Variants in PLXDC2 observed in about 807,000 individuals in gnomAD.
The protein encoded by PLXDC2 is plexin domain-containing protein 2.
A neutral mutation model predicts 68.9 loss-of-function variants in PLXDC2; 40 were observed. The ratio of observed to expected loss-of-function variants is 0.58; its 90% CI spans 0.45 to 0.76. PLXDC2 has a LOEUF of 0.76. PLXDC2 is among the 30% of genes least tolerant of loss of function. The pLI is 0.00. For missense variants in PLXDC2, 644 were observed against 661.9 expected, an observed-to-expected ratio of 0.97 and a Z score of 0.30; for synonymous variants, 243 against 234.2, an observed-to-expected ratio of 1.04 and a Z score of -0.34.
At chr10:20,111,131 T>C (rs1308881830) in intron 4 of PLXDC2, among the ~76,000 whole-genome samples, 1 of 152,222 alleles carries the variant, frequency 6.6e-6, no homozygotes, top group African/African-American at 2.4e-5. Context: ...GGGGTTATGA[T>C]GACAGATACG....
rs60603741 is a variant in PLXDC2, at chr10:20,027,692, G to GAAA, written c.325-19166_325-19164dup. 5.2e-3 allele frequency among the ~76,000 whole-genome samples: 742 copies of GAAA among 142,480 alleles called. 5 individuals carry two copies. The highest frequency in any genetic ancestry group is 9.0e-3 in the Non-Finnish European group (590 of 65,768). The allele number at this position is 142,480 out of a possible 152,430, so 93.5% of individuals were successfully genotyped here. On this transcript the variant is annotated intron_variant, in intron 2 of 13. Transcript: ENST00000377252. ...ACTTGTTTTGAAGCTGGGACAACCT[G>GAAA]AAAAAAAAAAAAACCCCATAAAATT...
At position 19,818,027 on chromosome 10, in the gene PLXDC2, C is replaced by G. The variant is rs147850728; in HGVS notation, c.112+836C>G. ...AACCCTGCCCACCGCGAACTGGGTG[C>G]CTACTCCCCATTTCTGCCTTTCAGT... On this transcript the variant is annotated intron_variant, in intron 1 of 13. Transcript: ENST00000377252. 2.4e-3 allele frequency among the ~76,000 whole-genome samples: 371 copies of G among 152,230 alleles called. 9 individuals carry two copies. The East Asian group carries it at 0.053, about 22-fold the overall frequency.
chr10:20,124,791 T>A (rs964224862), intron 4 of PLXDC2, among the ~76,000 whole-genome samples: 2 of 151,712 alleles, frequency 1.3e-5, no homozygotes, highest in East Asian at 1.9e-4. Context: ...TCACAAGACA[T>A]TGTCATCAGT....
Position 20,089,169 on chromosome 10 carries a change from CGTGTGTGTGTGTGT to C in PLXDC2, c.541+20963_541+20976del, listed in dbSNP as rs34167804. 1.9e-3 allele frequency among the ~76,000 whole-genome samples: 265 copies of C among 142,688 alleles called. 1 individual carries two copies. The highest frequency in any genetic ancestry group is 4.6e-3 in the South Asian group (20 of 4,330). The allele number at this position is 142,688 out of a possible 152,430, so 93.6% of individuals were successfully genotyped here. A position where few individuals can be genotyped will look rare whatever the true frequency, so the allele number is the denominator to read the frequency against. ...TAAATTAAAAAAAAACCTGTATATA[CGTGTGTGTGTGTGT>C]GTGTGTGTGTGTGTGTGTGTGTGTG... On this transcript the variant is annotated intron_variant, in intron 4 of 13. Coordinates refer to ENST00000377252, the MANE Select transcript of PLXDC2 (RefSeq NM_032812.9).
chr10:19,950,134 A>G (rs1282203902), intron 1 of PLXDC2, among the ~76,000 whole-genome samples: 2 of 152,182 alleles, frequency 1.3e-5, no homozygotes, highest in Non-Finnish European at 2.9e-5. Context: ...CTCTGCACTC[A>G]TATTCAAGAT....
chr10:20,032,470 A>G (rs2131668570), intron 2 of PLXDC2, among the ~76,000 whole-genome samples: 1 of 152,296 alleles, frequency 6.6e-6, no homozygotes, highest in South Asian at 2.1e-4. Flanking sequence ...TAATAGGTTT[A>G]CTTTTCAAAA....
intron 2 of PLXDC2, among the ~76,000 whole-genome samples, chr10:20,004,254 T>C (rs1281425518): frequency 6.6e-6 from 1 of 152,176 alleles, no homozygotes; most frequent in Non-Finnish European, 1.5e-5. Context: ...TCCATGGCAT[T>C]AGCTATTATG....
chr10:20,138,767 G>A (rs1833964983), intron 4 of PLXDC2, among the ~76,000 whole-genome samples: 1 of 152,046 alleles, frequency 6.6e-6, no homozygotes, highest in Non-Finnish European at 1.5e-5. Context: ...ACTAAAATTA[G>A]CTGGGCATGG....
At chr10:20,260,894 G>T (rs1395521664) in intron 13 of PLXDC2, among the ~76,000 whole-genome samples, 1 of 152,112 alleles carries the variant, frequency 6.6e-6, no homozygotes, top group Non-Finnish European at 1.5e-5. Context: ...CATCCTACAG[G>T]TGTTAGGTGA....
chr10:19,914,111 G>C (rs1276794219), intron 1 of PLXDC2, among the ~76,000 whole-genome samples: 9 of 137,174 alleles, frequency 6.6e-5, no homozygotes, highest in Non-Finnish European at 5.1e-5. Flanking sequence ...AGAAGGGAGG[G>C]AGGTAGGGAG....
chr10:19,833,752 T>C (rs1836738997), intron 1 of PLXDC2, among the ~76,000 whole-genome samples: 1 of 152,202 alleles, frequency 6.6e-6, no homozygotes, highest in Admixed American at 6.5e-5. Flanking sequence ...TGATGCTCTG[T>C]GTATAAAGGA....
At chr10:20,223,160 A>G (rs1835237925) in intron 12 of PLXDC2, among the ~76,000 whole-genome samples, 1 of 152,150 alleles carries the variant, frequency 6.6e-6, no homozygotes, top group African/African-American at 2.4e-5. Context: ...GTCTATTATT[A>G]TTTATTCTTT....
At chr10:20,216,299 T>C (rs189030178) in intron 10 of PLXDC2, among the ~76,000 whole-genome samples, 2 of 152,222 alleles carry the variant, frequency 1.3e-5, no homozygotes, top group African/African-American at 4.8e-5. Flanking sequence ...GCTTATGATT[T>C]CAGATCTAAA....
At chr10:19,922,403 A>C (rs1194649817) in intron 1 of PLXDC2, among the ~76,000 whole-genome samples, 1 of 152,152 alleles carries the variant, frequency 6.6e-6, no homozygotes, top group Non-Finnish European at 1.5e-5. Context: ...ACATCAGTGA[A>C]AGCTTTGTTT....
rs867611533 is a variant in PLXDC2, at chr10:19,893,381, C to T, written c.112+76190C>T. Reference sequence around the variant, plus strand: ...TATTTCATTGGTTGAAATAGCTGACCGCTTATAATAAAGTAGTCTGTGGAC... The same window carrying T: ...TATTTCATTGGTTGAAATAGCTGACTGCTTATAATAAAGTAGTCTGTGGAC... On this transcript the variant is annotated intron_variant, in intron 1 of 13. Transcript: ENST00000377252. Among the ~76,000 whole-genome samples, 64 of 152,138 alleles carry T rather than the reference C, an allele frequency of 4.2e-4. 1 individual carries two copies. The highest frequency in any genetic ancestry group is 1.4e-3 in the African/African-American group (58 of 41,512).
At chr10:19,862,866 T>A (rs1282975252) in intron 1 of PLXDC2, among the ~76,000 whole-genome samples, 1 of 152,174 alleles carries the variant, frequency 6.6e-6, no homozygotes, top group Admixed American at 6.5e-5. Flanking sequence ...TTTCAGAATA[T>A]AGAAGTGTGG....
intron 4 of PLXDC2, among the ~76,000 whole-genome samples, chr10:20,079,604 T>C (rs1213012413): frequency 6.6e-6 from 1 of 152,058 alleles, no homozygotes; most frequent in East Asian, 1.9e-4. Flanking sequence ...TATGCAGCCA[T>C]AAAAAAGAGT....
At chr10:20,102,257 G>A (rs1362828730) in intron 4 of PLXDC2, among the ~76,000 whole-genome samples, 1 of 152,068 alleles carries the variant, frequency 6.6e-6, no homozygotes, top group Non-Finnish European at 1.5e-5. Flanking sequence ...TTATTATTCC[G>A]CCTAGACAAC....
chr10:19,925,463 A>G (rs147915652), intron 1 of PLXDC2, among the ~76,000 whole-genome samples: 7 of 152,344 alleles, frequency 4.6e-5, no homozygotes, highest in East Asian at 1.9e-4. Flanking sequence ...GTTTTTAGCA[A>G]TTAACATTTG....
Sources: allele counts gnomAD v4.1 joint callset (sites outside exome capture counted in the v4.1 genomes callset), GRCh38; gene constraint gnomAD v4.1.1; transcripts MANE v1.5; gene names NCBI Gene and HGNC (gene_info 2026-07-23, HGNC 2026-07-21).